The following PITPNB variants were observed in gnomAD, a reference collection of about 807,000 sequenced individuals.
PITPNB encodes the protein phosphatidylinositol transfer protein beta.
In PITPNB, 16 loss-of-function variants were observed where a neutral mutation model predicts 45.9. The ratio of observed to expected loss-of-function variants is 0.35; its 90% CI spans 0.24 to 0.53. PITPNB has a LOEUF of 0.53. PITPNB is among the 20% of genes least tolerant of loss of function. The probability of loss-of-function intolerance (pLI) is 0.93; values close to 1 mark genes in which losing one functional copy is unlikely to be tolerated. For synonymous variants in PITPNB, 112 were observed against 108.9 expected, an observed-to-expected ratio of 1.03 and a Z score of -0.18; for missense variants, 188 against 330.5, an observed-to-expected ratio of 0.57 and a Z score of 3.34.
intron 1 of PITPNB, among the ~76,000 whole-genome samples, chr22:27,916,798 CA>C (rs796825922): frequency 1.4e-5 from 2 of 142,956 alleles, no homozygotes; most frequent in African/African-American, 5.2e-5. Context: ...GACTCCGCCT[CA>C]AAAAAAAAAC....
chr22:27,879,342 G>A (rs928762598), intron 7 of PITPNB, among the ~76,000 whole-genome samples: 1 of 152,106 alleles, frequency 6.6e-6, no homozygotes. Flanking sequence ...ACACAGCAAG[G>A]AAACCAAATA....
intron 3 of PITPNB, among the ~76,000 whole-genome samples, chr22:27,908,334 C>CT (rs201602287): frequency 0.067 from 8,955 of 132,850 alleles, 327 homozygotes; most frequent in African/African-American, 0.094. Flanking sequence ...CTCTTTTAGG[C>CT]TTTTTTTTTT....
At chr22:27,893,425 T>C (rs1045100315) in intron 7 of PITPNB, among the ~76,000 whole-genome samples, 1 of 150,978 alleles carries the variant, frequency 6.6e-6, no homozygotes, top group East Asian at 2.0e-4. Flanking sequence ...GCTGGGACTA[T>C]AGGCGCCCAC....
chr22:27,888,976 TAA>T (rs1382809062), intron 7 of PITPNB, among the ~76,000 whole-genome samples: 8 of 152,198 alleles, frequency 5.3e-5, no homozygotes, highest in Non-Finnish European at 1.0e-4. Context: ...AGGCATTAGC[TAA>T]GTGATCATGA....
chr22:27,895,242 A>G (rs1239557548), intron 6 of PITPNB, among the ~76,000 whole-genome samples: 4 of 152,248 alleles, frequency 2.6e-5, no homozygotes, highest in African/African-American at 9.6e-5. Context: ...CATACAGATT[A>G]ATGCACACCA....
At chr22:27,911,739 G>C (rs908812156) in intron 2 of PITPNB, among the ~76,000 whole-genome samples, 1 of 152,182 alleles carries the variant, frequency 6.6e-6, no homozygotes, top group African/African-American at 2.4e-5. Context: ...GGGGGCCCAA[G>C]ATCAGAAATG....
chr22:27,858,376 G>T lies in PITPNB; in HGVS notation c.768+11C>A. ...AAAATTAGAGAATTGCCATAGAACA[G>T]CCAGTCTTACTGTTTCTAGTTCTTT... On this transcript the variant is annotated intron_variant, in intron 10 of 11. Coordinates refer to ENST00000335272, the MANE Select transcript of PITPNB (RefSeq NM_012399.5). 6.3e-7 allele frequency: 1 copy of T among 1,593,164 alleles called. No homozygotes were observed. The highest frequency in any genetic ancestry group is 8.5e-7 in the Non-Finnish European group (1 of 1,170,640).
chr22:27,897,177 A>G, intron 4 of PITPNB, 40 bp from the exon 5 acceptor site: 2 of 1,400,678 alleles, frequency 1.4e-6, no homozygotes, highest in Non-Finnish European at 2.0e-6. Flanking sequence ...AAGGAGAAAA[A>G]TTTCAGAATA....
chr22:27,860,783 A>T (rs954149321), intron 8 of PITPNB, among the ~76,000 whole-genome samples: 1 of 152,230 alleles, frequency 6.6e-6, no homozygotes. Flanking sequence ...AATCCTATAC[A>T]TACAGACTTC....
At chr22:27,880,839 C>T (rs1934949709) in intron 7 of PITPNB, among the ~76,000 whole-genome samples, 4 of 152,136 alleles carry the variant, frequency 2.6e-5, no homozygotes, top group Admixed American at 2.6e-4. Context: ...TCAGGCTGGT[C>T]TCGAACTCCC....
At chr22:27,913,594 G>C (rs1426059044) in intron 2 of PITPNB, among the ~76,000 whole-genome samples, 1 of 152,202 alleles carries the variant, frequency 6.6e-6, no homozygotes, top group Non-Finnish European at 1.5e-5. Context: ...TGTCCAGACT[G>C]AGGAAAACAA....
chr22:27,892,426 A>G (rs749181740), intron 7 of PITPNB, among the ~76,000 whole-genome samples: 25 of 152,350 alleles, frequency 1.6e-4, no homozygotes, highest in South Asian at 1.0e-3. Context: ...CCTATGGACC[A>G]TAAGTCTGAG....
chr22:27,898,429 T>C (rs182958644), intron 3 of PITPNB, among the ~76,000 whole-genome samples: 1 of 151,340 alleles, frequency 6.6e-6, no homozygotes, highest in Non-Finnish European at 1.5e-5. Context: ...GTGTGTGGTT[T>C]TTTTTTTTTT....
intron 6 of PITPNB, among the ~76,000 whole-genome samples, chr22:27,896,284 T>C (rs1935428809): frequency 6.6e-6 from 1 of 152,196 alleles, no homozygotes; most frequent in Admixed American, 6.5e-5. Flanking sequence ...CTGGGGATTA[T>C]CTGTGAATTT....
chr22:27,855,802 T>G (rs2146343614), intron 10 of PITPNB, among the ~76,000 whole-genome samples: 1 of 152,320 alleles, frequency 6.6e-6, no homozygotes, highest in Non-Finnish European at 1.5e-5. Context: ...AGAAATCCAA[T>G]TCTTAAAATA....
intron 1 of PITPNB, 140 bp downstream of exon 1, chr22:27,919,032 C>T: frequency 7.8e-7 from 1 of 1,274,214 alleles, no homozygotes. Context: ...TTCGAAGGGG[C>T]CGGGGGAGGG....
intron 8 of PITPNB, among the ~76,000 whole-genome samples, chr22:27,867,517 G>A (rs1934519599): frequency 6.6e-6 from 1 of 152,200 alleles, no homozygotes; most frequent in South Asian, 2.1e-4. Flanking sequence ...CTGCCTGTGA[G>A]AGGATAATCA....
At chr22:27,889,515 G>C (rs1373785006) in intron 7 of PITPNB, among the ~76,000 whole-genome samples, 1 of 152,166 alleles carries the variant, frequency 6.6e-6, no homozygotes, top group Admixed American at 6.5e-5. Flanking sequence ...AGAGGAAAAA[G>C]TGTAATGACT....
intron 4 of PITPNB, 72 bp downstream of exon 4, chr22:27,897,729 A>G: frequency 1.3e-5 from 13 of 987,040 alleles, no homozygotes; most frequent in Non-Finnish European, 2.1e-5. Flanking sequence ...ACCTTCTCAA[A>G]GACACTGGTA....
Sources: allele counts gnomAD v4.1 joint callset (sites outside exome capture counted in the v4.1 genomes callset), GRCh38; gene constraint gnomAD v4.1.1; transcripts MANE v1.5; gene names NCBI Gene and HGNC (gene_info 2026-07-23, HGNC 2026-07-21).